EPHA6: variants seen among roughly 807,000 people sequenced by gnomAD.
EPHA6 encodes the protein EPH receptor A6.
In EPHA6, 50 loss-of-function variants were observed where a neutral mutation model predicts 112.0. That is an observed-to-expected ratio of 0.45 (90% confidence interval 0.36 to 0.56). EPHA6 has a LOEUF of 0.56. Ranked by LOEUF, EPHA6 falls within the 20% of genes least tolerant of loss-of-function variation. EPHA6 has a pLI of 0.00. For synonymous variants in EPHA6, 529 were observed against 490.7 expected, an observed-to-expected ratio of 1.08 and a Z score of -1.03; for missense variants, 1,280 against 1,417.4, an observed-to-expected ratio of 0.90 and a Z score of 1.56.
intron 2 of EPHA6, among the ~76,000 whole-genome samples, chr3:96,891,774 A>G (rs1322614421): frequency 6.6e-6 from 1 of 152,152 alleles, no homozygotes; most frequent in Non-Finnish European, 1.5e-5. Context: ...TGATAGCTAC[A>G]TGGGTCTGTT....
intron 3 of EPHA6, among the ~76,000 whole-genome samples, chr3:97,052,772 C>G (rs909628637): frequency 1.3e-5 from 2 of 152,058 alleles, no homozygotes; most frequent in African/African-American, 4.8e-5. Context: ...TACCCTGTTT[C>G]TACCAATAAC....
At chr3:97,365,485 G>A (rs1290464848) in intron 5 of EPHA6, among the ~76,000 whole-genome samples, 1 of 151,776 alleles carries the variant, frequency 6.6e-6, no homozygotes, top group Non-Finnish European at 1.5e-5. Flanking sequence ...CTGACTCCCT[G>A]GTTCAGGGGA....
intron 1 of EPHA6, among the ~76,000 whole-genome samples, chr3:96,838,155 C>A (rs1214843091): frequency 6.6e-6 from 1 of 150,870 alleles, no homozygotes; most frequent in African/African-American, 2.4e-5. Flanking sequence ...CAGTGTTGGA[C>A]TTTCTTTTCC....
chr3:97,705,885 A>G (rs537368051), intron 14 of EPHA6, among the ~76,000 whole-genome samples: 4 of 152,312 alleles, frequency 2.6e-5, no homozygotes, highest in African/African-American at 9.6e-5. Flanking sequence ...CTTGCAGCCA[A>G]GTACATCCAG....
At chr3:97,664,622 T>G (rs370309130) in intron 14 of EPHA6, among the ~76,000 whole-genome samples, 76 of 152,262 alleles carry the variant, frequency 5.0e-4, no homozygotes, top group East Asian at 7.7e-4. Context: ...CTTGAGCAAA[T>G]TCTCAGGATA....
intron 4 of EPHA6, among the ~76,000 whole-genome samples, chr3:97,232,623 A>C (rs991304671): frequency 6.6e-6 from 1 of 152,216 alleles, no homozygotes; most frequent in Admixed American, 6.5e-5. Context: ...GCTGAGGGGC[A>C]TAAGTCAGTA....
chr3:96,818,667 A>T (rs1042511447), intron 1 of EPHA6, among the ~76,000 whole-genome samples: 21 of 151,978 alleles, frequency 1.4e-4, no homozygotes, highest in Admixed American at 3.9e-4. Context: ...CTCTGATTGA[A>T]TATTGTTCTT....
intron 3 of EPHA6, among the ~76,000 whole-genome samples, chr3:97,083,600 CT>C (rs1013951900): frequency 2.0e-5 from 3 of 151,864 alleles, no homozygotes; most frequent in Admixed American, 6.6e-5. Context: ...ATTCCCAGGT[CT>C]TTTTTTCTAC....
intron 5 of EPHA6, among the ~76,000 whole-genome samples, chr3:97,262,246 G>T (rs1189251227): frequency 6.6e-6 from 1 of 152,026 alleles, no homozygotes; most frequent in Non-Finnish European, 1.5e-5. Context: ...GCCTAAATTG[G>T]AGCAGGCTAT....
chr3:97,013,022 A>C (rs1413629696), intron 3 of EPHA6, among the ~76,000 whole-genome samples: 1 of 152,158 alleles, frequency 6.6e-6, no homozygotes, highest in Non-Finnish European at 1.5e-5. Context: ...ATAGTTTGCA[A>C]ATATACTCTC....
intron 16 of EPHA6, among the ~76,000 whole-genome samples, chr3:97,741,192 T>TA (rs1272521846): frequency 6.6e-6 from 1 of 151,264 alleles, no homozygotes; most frequent in East Asian, 2.0e-4. Flanking sequence ...TACAAAAAAT[T>TA]AAAAACTAAA....
At chr3:97,724,352 T>A (rs1456890441) in intron 15 of EPHA6, among the ~76,000 whole-genome samples, 2 of 152,142 alleles carry the variant, frequency 1.3e-5, no homozygotes, top group Non-Finnish European at 2.9e-5. Flanking sequence ...TACACAGAAC[T>A]AGTCCATAAA....
At chr3:97,371,834 C>T (rs937897815) in intron 5 of EPHA6, among the ~76,000 whole-genome samples, 31 of 152,038 alleles carry the variant, frequency 2.0e-4, no homozygotes, top group African/African-American at 6.5e-4. Flanking sequence ...GCTCTGGGGA[C>T]GTCTGTCTTT....
At chr3:97,170,364 T>C (rs2108425062) in intron 3 of EPHA6, among the ~76,000 whole-genome samples, 1 of 152,116 alleles carries the variant, frequency 6.6e-6, no homozygotes, top group East Asian at 1.9e-4. Flanking sequence ...ACCTGGGGCG[T>C]AATCTGCAGG....
chr3:97,450,385 C>T (rs184597226), intron 7 of EPHA6, among the ~76,000 whole-genome samples: 38 of 152,102 alleles, frequency 2.5e-4, no homozygotes, highest in African/African-American at 8.7e-4. Context: ...TTGCACTTCT[C>T]TTACTTTATT....
At chr3:96,982,374 T>C (rs573339845) in intron 2 of EPHA6, among the ~76,000 whole-genome samples, 1 of 152,296 alleles carries the variant, frequency 6.6e-6, no homozygotes, top group South Asian at 2.1e-4. Flanking sequence ...TTTGAGTGAG[T>C]TTCTTAATCC....
At chr3:97,502,634 A>G (rs1407108740) in intron 10 of EPHA6, among the ~76,000 whole-genome samples, 1 of 150,974 alleles carries the variant, frequency 6.6e-6, no homozygotes, top group African/African-American at 2.4e-5. Context: ...GGAGATCGAG[A>G]CCATCCTGGC....
chr3:96,839,663 A>G (rs2034620189), intron 1 of EPHA6, among the ~76,000 whole-genome samples: 1 of 152,088 alleles, frequency 6.6e-6, no homozygotes, highest in African/African-American at 2.4e-5. Context: ...AATGCTATGG[A>G]GACTAGAGTC....
chr3:97,387,995 A>T (rs151050855), intron 5 of EPHA6, among the ~76,000 whole-genome samples: 67 of 152,234 alleles, frequency 4.4e-4, no homozygotes, highest in African/African-American at 1.5e-3. Context: ...ACACTGTTAA[A>T]CAACCAGATC....
Sources: gnomAD v4.1 joint callset for allele counts (sites outside exome capture counted in the v4.1 genomes callset) on GRCh38, gnomAD v4.1.1 for gene constraint, MANE v1.5 for transcripts, NCBI Gene and HGNC (gene_info 2026-07-23, HGNC 2026-07-21) for gene names.